The following CDC42BPB variants were observed in gnomAD, a reference collection of about 807,000 sequenced individuals.
CDC42BPB encodes the protein serine/threonine-protein kinase MRCK beta.
A neutral mutation model predicts 214.9 loss-of-function variants in CDC42BPB; 37 were observed. The observed-to-expected ratio is 0.17, with a 90% CI of 0.13 to 0.23. The LOEUF is 0.23. Among genes scored for constraint, CDC42BPB ranks in the 10% least tolerant of loss-of-function variants. The pLI, the probability that CDC42BPB is intolerant of heterozygous loss-of-function variation, is 1.00. For missense variants in CDC42BPB, 1,694 were observed against 2,227.0 expected, an observed-to-expected ratio of 0.76 and a Z score of 4.82; for synonymous variants, 931 against 884.0, an observed-to-expected ratio of 1.05 and a Z score of -0.94.
chr14:102,999,863 T>G, intron 4 of CDC42BPB, 150 bp from the exon 5 acceptor site: 3 of 1,459,870 alleles, frequency 2.1e-6, no homozygotes, highest in Non-Finnish European at 2.7e-6. Flanking sequence ...AGACCCTCCT[T>G]CTGGAACATG....
intron 21 of CDC42BPB, 60 bp downstream of exon 21, chr14:102,959,571 G>A (rs1193946621): frequency 1.7e-6 from 2 of 1,155,028 alleles, no homozygotes; most frequent in Non-Finnish European, 2.5e-6. Flanking sequence ...AATCATATAT[G>A]ACACTATTTC....
Position 103,004,250 on chromosome 14 carries a change from C to A in CDC42BPB, c.352-227G>T. ...AAGGGCTGCTGAGGAGGCACTTGCA[C>A]CCTGCTGTCCCACGGGCACCATTTC... On this transcript the variant is annotated intron_variant, in intron 3 of 36. Transcript: ENST00000361246. This position sits in a 1 kb window ranked among gnomAD's most constrained non-coding sequence, Gnocchi z 5.3. 2 of 1,137,790 alleles carry A rather than the reference C, an allele frequency of 1.8e-6. No homozygotes were observed. The highest frequency in any genetic ancestry group is 2.2e-6 in the Non-Finnish European group (2 of 890,688). 70.5% of individuals were successfully genotyped at this position (1,137,790 alleles called of 1,614,324 possible).
chr14:102,941,253 G>A (rs1891876127), intron 30 of CDC42BPB: 1 of 985,472 alleles, frequency 1.0e-6, no homozygotes, highest in Non-Finnish European at 1.2e-6. Context: ...CTCCAGCTCA[G>A]TGCTCCTTCC....
intron 4 of CDC42BPB, 183 bp from the exon 5 acceptor site, chr14:102,999,896 C>T: frequency 3.0e-6 from 3 of 985,380 alleles, no homozygotes; most frequent in African/African-American, 1.7e-5. Flanking sequence ...TCCACGACGC[C>T]GCCATCTTCA....
intron 20 of CDC42BPB, among the ~76,000 whole-genome samples, chr14:102,962,782 G>A (rs1032378291): frequency 2.0e-5 from 3 of 152,184 alleles, no homozygotes; most frequent in African/African-American, 4.8e-5. Flanking sequence ...AACCCAGGAT[G>A]CAGAGGTTGC....
chr14:102,968,876 C>T (rs570459069), intron 14 of CDC42BPB, 160 bp from the exon 15 acceptor site: 11 of 985,350 alleles, frequency 1.1e-5, no homozygotes, highest in Admixed American at 6.1e-5. Context: ...TAACGTGATC[C>T]AGGTTCTAGG....
At position 102,987,788 on chromosome 14, in the gene CDC42BPB, AACACAC is replaced by A. The variant is rs57579935; in HGVS notation, c.597-1214_597-1209del. 3.3e-3 allele frequency among the ~76,000 whole-genome samples: 464 copies of A among 140,842 alleles called. 3 individuals carry two copies. The highest frequency in any genetic ancestry group is 0.011 in the African/African-American group (410 of 37,546). 92.4% of individuals were successfully genotyped at this position (140,842 alleles called of 152,430 possible). Reference sequence around the variant, plus strand: ...CAAAACAAAATCCCACAAACACACAAACACACACACACACACACACACACACACACA... The same window carrying A: ...CAAAACAAAATCCCACAAACACACAAACACACACACACACACACACACACA... On this transcript the variant is annotated intron_variant, in intron 5 of 36. Transcript: ENST00000361246.
intron 1 of CDC42BPB, among the ~76,000 whole-genome samples, chr14:103,024,789 T>C (rs541104947): frequency 6.6e-6 from 1 of 152,316 alleles, no homozygotes; most frequent in African/African-American, 2.4e-5. Context: ...TCTACAGGCA[T>C]ATGGTCTCAA....
intron 30 of CDC42BPB, among the ~76,000 whole-genome samples, chr14:102,941,931 G>A (rs1384647229): frequency 1.3e-5 from 2 of 152,244 alleles, no homozygotes; most frequent in Non-Finnish European, 1.5e-5. Context: ...AAACTCATCT[G>A]CATCTGCACT....
intron 7 of CDC42BPB, among the ~76,000 whole-genome samples, chr14:102,981,736 C>T (rs7151189): frequency 0.04 from 6,166 of 152,248 alleles, 418 homozygotes; most frequent in African/African-American, 0.14. Context: ...AAGATCGTGC[C>T]ACTGCACTCC....
chr14:103,003,376 T>C (rs1051315094), intron 4 of CDC42BPB, among the ~76,000 whole-genome samples: 2 of 152,202 alleles, frequency 1.3e-5, no homozygotes, highest in Non-Finnish European at 2.9e-5. Flanking sequence ...CGCTTGACAA[T>C]GCACATGCAT....
Position 102,938,110 on chromosome 14 carries a change from G to C in CDC42BPB, c.4998C>G (p.Asp1666Glu). 1 of 1,613,942 alleles carries C rather than the reference G, an allele frequency of 6.2e-7. No homozygotes were observed. The highest frequency in any genetic ancestry group is 8.5e-7 in the Non-Finnish European group (1 of 1,179,998). ...GGACCTGGGCAAGTCTCACCTCTTT[G>C]TCAAAGTCCTGGTCTGGATCAGACA... ...RSMSDPDQDFDKEPDSDSTKH... is the reference protein window; with the variant it reads ...RSMSDPDQDFEKEPDSDSTKH... Residue 1666 changes from aspartate to glutamate, a missense_variant, in exon 36 of 37, where the codon GAC (aspartate) becomes GAG (glutamate). Coordinates refer to ENST00000361246, the MANE Select transcript of CDC42BPB (RefSeq NM_006035.4).
intron 6 of CDC42BPB, among the ~76,000 whole-genome samples, chr14:102,985,725 G>C (rs1479136501): frequency 6.6e-6 from 1 of 152,238 alleles, no homozygotes; most frequent in Non-Finnish European, 1.5e-5. Context: ...TTTGATGTTA[G>C]ACCTTATGAT....
chr14:102,941,494 A>AC (rs2139351742), intron 30 of CDC42BPB: 1 of 985,406 alleles, frequency 1.0e-6, no homozygotes, highest in African/African-American at 1.7e-5. Context: ...TTTCAGATGC[A>AC]CCTGTGAGGC....
intron 1 of CDC42BPB, among the ~76,000 whole-genome samples, chr14:103,028,387 T>C (rs1887167876): frequency 6.6e-6 from 1 of 152,238 alleles, no homozygotes; most frequent in Admixed American, 6.5e-5. Context: ...TGAACTCCAG[T>C]TTCCTTGTGG....
At chr14:102,992,028 T>C (rs1165536730) in intron 5 of CDC42BPB, among the ~76,000 whole-genome samples, 1 of 152,182 alleles carries the variant, frequency 6.6e-6, no homozygotes, top group African/African-American at 2.4e-5. Flanking sequence ...ATGAGCCACA[T>C]GTGGCTGGGG....
intron 5 of CDC42BPB, among the ~76,000 whole-genome samples, chr14:102,997,334 G>A (rs888496799): frequency 6.6e-6 from 1 of 152,112 alleles, no homozygotes; most frequent in Non-Finnish European, 1.5e-5. Flanking sequence ...AGACACACAT[G>A]GAATAAAGGC....
intron 8 of CDC42BPB, among the ~76,000 whole-genome samples, chr14:102,978,974 T>G (rs932948415): frequency 6.6e-6 from 1 of 152,188 alleles, no homozygotes; most frequent in African/African-American, 2.4e-5. Flanking sequence ...ATCACTGTAT[T>G]CCAGCCTGGG....
rs752577463 is a variant in CDC42BPB at position 102,980,756 on chromosome 14, G to A, written c.1140+17C>T. 14 of 1,612,460 alleles carry A rather than the reference G, an allele frequency of 8.7e-6. No homozygotes were observed. The highest frequency in any genetic ancestry group is 5.0e-5 in the Admixed American group (3 of 59,970). Reference sequence around the variant, plus strand: ...ACCCACAGCCAGCAACCCTGAGAACGGTGCTTTCACACTCACCGTGTTTCT... The same window carrying A: ...ACCCACAGCCAGCAACCCTGAGAACAGTGCTTTCACACTCACCGTGTTTCT... On this transcript the variant is annotated intron_variant, in intron 8 of 36. Coordinates refer to ENST00000361246, the MANE Select transcript of CDC42BPB (RefSeq NM_006035.4).
Sources: allele counts gnomAD v4.1 joint callset (sites outside exome capture counted in the v4.1 genomes callset), GRCh38; gene constraint gnomAD v4.1.1; non-coding constraint Gnocchi (gnomAD v3.1); transcripts MANE v1.5; gene names NCBI Gene and HGNC (gene_info 2026-07-23, HGNC 2026-07-21).